PCDHGA1: variants seen among roughly 807,000 people sequenced by gnomAD.
The protein encoded by PCDHGA1 is protocadherin gamma subfamily A, 1.
A neutral mutation model predicts 58.0 loss-of-function variants in PCDHGA1; 32 were observed. That is an observed-to-expected ratio of 0.55 (90% CI 0.42 to 0.74). The LOEUF (loss-of-function observed/expected upper bound fraction) is 0.74. Ranked by LOEUF, PCDHGA1 falls within the 30% of genes least tolerant of loss-of-function variation. PCDHGA1 has a pLI of 0.00. For missense variants in PCDHGA1, 1,205 were observed against 1,182.3 expected (o/e 1.02, Z -0.28); for synonymous variants, 498 against 501.1 (o/e 0.99, Z 0.08).
At chr5:141,376,226 A>G in intron 1 of PCDHGA1, 2 of 1,614,202 alleles carry the variant, frequency 1.2e-6, no homozygotes, top group Non-Finnish European at 1.7e-6. Flanking sequence ...GCTGGCGCTC[A>G]GACTGCAGCG....
Position 141,334,714 on chromosome 5 carries a change from C to G in PCDHGA1, c.2421+1609C>G, listed in dbSNP as rs955945034. 6.6e-6 allele frequency: 1 copy of G among 152,196 alleles called. No homozygotes were observed. Among genetic ancestry groups the G allele is most frequent in the Non-Finnish European group, 1.5e-5 (1 of 68,038 alleles). The allele number at this position is 152,196 out of a possible 1,614,324, so 9.4% of individuals were successfully genotyped here. A position where few individuals can be genotyped will look rare whatever the true frequency, so the allele number is the denominator to read the frequency against. On this transcript the variant is annotated intron_variant, in intron 1 of 3. Transcript: ENST00000517417. This position sits in a 1 kb window ranked among gnomAD's most constrained non-coding sequence, Gnocchi z 4.6. Reference sequence around the variant, plus strand: ...GACAGACACGGATGCTGGATAGAGACAGCGAACACCAAGTATCTCATATGT... The same window carrying G: ...GACAGACACGGATGCTGGATAGAGAGAGCGAACACCAAGTATCTCATATGT...
chr5:141,370,302 A>G, intron 1 of PCDHGA1: 1 of 1,187,592 alleles, frequency 8.4e-7, no homozygotes, highest in Non-Finnish European at 1.2e-6. Flanking sequence ...GCACAAAGAC[A>G]AAGCAAATAG....
intron 1 of PCDHGA1, chr5:141,360,236 G>T (rs377333161): frequency 3.7e-6 from 6 of 1,613,850 alleles, no homozygotes; most frequent in Non-Finnish European, 5.1e-6. Context: ...GTCCAGATCC[G>T]CTATTCAATT....
At chr5:141,396,826 T>C (rs2150684125) in intron 1 of PCDHGA1, among the ~76,000 whole-genome samples, 1 of 152,342 alleles carries the variant, frequency 6.6e-6, no homozygotes, top group South Asian at 2.1e-4. Flanking sequence ...ATGGTGCATA[T>C]TCAGTGGAGT....
In PCDHGA1 at chr5:141,393,272, A is replaced by C. The variant is rs781226042; in HGVS notation, c.2421+60167A>C. The stretch of plus-strand genomic sequence containing the variant: ...TCGCGGTTCCTGGAGCACGTTATCC[A>C]CTCCCAGAAGCTGTTGACCCGGATG... On this transcript the variant is annotated intron_variant, in intron 1 of 3. Coordinates refer to ENST00000517417, the MANE Select transcript of PCDHGA1 (RefSeq NM_018912.3). The C allele has an allele frequency of 2.5e-6, 4 of 1,613,774 alleles. No homozygotes were observed. The Admixed American group carries it at 6.7e-5, about 27-fold the overall frequency.
intron 1 of PCDHGA1, chr5:141,345,605 A>C (rs1757608727): frequency 6.2e-7 from 1 of 1,614,036 alleles, no homozygotes; most frequent in African/African-American, 1.3e-5. Context: ...ACTACGAGCA[A>C]TTTAGAGACT....
chr5:141,486,017 A>C lies in PCDHGA1; in HGVS notation c.2422-8790A>C, dbSNP rs746747518. 1 of 1,614,176 alleles carries C rather than the reference A, an allele frequency of 6.2e-7. No homozygotes were observed. The highest frequency in any genetic ancestry group is 8.5e-7 in the Non-Finnish European group (1 of 1,180,038). ...CAGTGGTAACGTCACCTTTTATTTC[A>C]GTGGTCATACCCCTGATCGTGTAAG... On this transcript the variant is annotated intron_variant, in intron 1 of 3. Coordinates refer to ENST00000517417, the MANE Select transcript of PCDHGA1 (RefSeq NM_018912.3). This position sits in a 1 kb window ranked among gnomAD's most constrained non-coding sequence, Gnocchi z 5.0.
chr5:141,404,648 G>C (rs1178706213), intron 1 of PCDHGA1: 1 of 1,614,148 alleles, frequency 6.2e-7, no homozygotes, highest in African/African-American at 1.3e-5. Flanking sequence ...CCTGTACCCT[G>C]CCCTCCCCAC....
intron 1 of PCDHGA1, chr5:141,343,386 G>A (rs1757281775): frequency 2.0e-6 from 2 of 981,786 alleles, no homozygotes; most frequent in African/African-American, 1.8e-5. Flanking sequence ...AGGTCAAAGA[G>A]GAGGTGGATA....
In PCDHGA1 at chr5:141,481,399, T is replaced by G. The variant is rs35677249; in HGVS notation, c.2422-13408T>G. 1.9e-3 allele frequency among the ~76,000 whole-genome samples: 284 copies of G among 152,356 alleles called. 1 individual carries two copies. Among genetic ancestry groups the G allele is most frequent in the Middle Eastern group, 0.01 (3 of 294 alleles). ...TTCTTTTTGGAGGGATGTGACAAAA[T>G]TCTTGTATAATTAGATTGTGATGAT... is the stretch of plus-strand genomic sequence containing the variant. On this transcript the variant is annotated intron_variant, in intron 1 of 3. Transcript: ENST00000517417.
chr5:141,338,826 A>C (rs967681412), intron 1 of PCDHGA1: 1 of 1,391,196 alleles, frequency 7.2e-7, no homozygotes, highest in African/African-American at 1.4e-5. Context: ...CAGGACACCA[A>C]AGAAATTCAG....
chr5:141,354,208 C>A (rs1232635015), intron 1 of PCDHGA1, among the ~76,000 whole-genome samples: 3 of 152,106 alleles, frequency 2.0e-5, no homozygotes, highest in South Asian at 2.1e-4. Context: ...TCTAACTTTT[C>A]TTTTTATTTC....
intron 2 of PCDHGA1, among the ~76,000 whole-genome samples, chr5:141,495,922 C>G (rs1263216717): frequency 6.6e-6 from 1 of 152,100 alleles, no homozygotes; most frequent in Non-Finnish European, 1.5e-5. Context: ...CTTTCTTTGT[C>G]TCTGTCTCTG....
intron 1 of PCDHGA1, chr5:141,421,778 G>C (rs756566609): frequency 6.2e-7 from 1 of 1,613,844 alleles, no homozygotes; most frequent in Non-Finnish European, 8.5e-7. Context: ...TTGCAACTGC[G>C]GGGCAGAACG....
Position 141,485,434 on chromosome 5 carries a change from G to T in PCDHGA1, c.2422-9373G>T. The stretch of plus-strand genomic sequence containing the variant: ...TGGACAGCGGAGCCCTGCTCATCAA[G>T]AACCCAATCGACCGAGAGGCACTGT... On this transcript the variant is annotated intron_variant, in intron 1 of 3. Transcript: ENST00000517417. This position sits in a 1 kb window ranked among gnomAD's most constrained non-coding sequence, Gnocchi z 5.7. The T allele has an allele frequency of 6.2e-7, 1 of 1,614,166 alleles. No homozygotes were observed. The highest frequency in any genetic ancestry group is 1.6e-4 in the Middle Eastern group (1 of 6,062).
intron 1 of PCDHGA1, chr5:141,426,908 G>C (rs1047101179): frequency 8.8e-6 from 4 of 456,612 alleles, no homozygotes; most frequent in African/African-American, 6.0e-5. Context: ...CTCATCTCCT[G>C]GTCCTGGAAG....
rs774774450 is a variant in PCDHGA1, at chr5:141,398,863, G to A, written c.2421+65758G>A. The A allele has an allele frequency of 2.5e-6, 4 of 1,613,868 alleles. No homozygotes were observed. The highest frequency in any genetic ancestry group is 2.7e-5 in the African/African-American group (2 of 74,928). ...TAATCCCCCGGTATTCAACCGAGACGTGTACAGAGTCAGCCTTCGGGAAAA... is the reference window on the plus strand; with the variant it reads ...TAATCCCCCGGTATTCAACCGAGACATGTACAGAGTCAGCCTTCGGGAAAA... On this transcript the variant is annotated intron_variant, in intron 1 of 3. Transcript: ENST00000517417.
intron 1 of PCDHGA1, chr5:141,355,547 T>A: frequency 1.2e-6 from 2 of 1,613,910 alleles, no homozygotes; most frequent in Non-Finnish European, 1.7e-6. Flanking sequence ...ACAGTGAAGA[T>A]TTTGCGGGTA....
In PCDHGA1 at chr5:141,421,780, G is replaced by A. The variant is rs1259671007; in HGVS notation, c.2422-73027G>A. On this transcript the variant is annotated intron_variant, in intron 1 of 3. Coordinates refer to ENST00000517417, the MANE Select transcript of PCDHGA1 (RefSeq NM_018912.3). ...TAATTACTTTTCCTTGCAACTGCGGGGCAGAACGGATGGGGCCAAGAATCC... is the reference window on the plus strand; with the variant it reads ...TAATTACTTTTCCTTGCAACTGCGGAGCAGAACGGATGGGGCCAAGAATCC... The A allele has an allele frequency of 2.5e-6, 4 of 1,613,856 alleles. No homozygotes were observed. In the South Asian group the frequency reaches 4.4e-5, roughly 18 times the overall value.
Sources: allele counts gnomAD v4.1 joint callset (sites outside exome capture counted in the v4.1 genomes callset), GRCh38; gene constraint gnomAD v4.1.1; non-coding constraint Gnocchi (gnomAD v3.1); transcripts MANE v1.5; gene names NCBI Gene and HGNC (gene_info 2026-07-23, HGNC 2026-07-21).